The following MTRR variants were observed in gnomAD, a reference collection of about 807,000 sequenced individuals.
The protein encoded by MTRR is methionine synthase reductase.
Under a neutral mutation model 79.2 loss-of-function variants are expected in MTRR, and 63 were observed. The observed-to-expected ratio is 0.80, with a 90% CI of 0.65 to 0.98. MTRR has a LOEUF of 0.98. MTRR is among the 50% of genes least tolerant of loss of function. The pLI, the probability that MTRR is intolerant of heterozygous loss-of-function variation, is 0.00. For synonymous variants in MTRR, 355 were observed against 313.3 expected, an observed-to-expected ratio of 1.13 and a Z score of -1.41; for missense variants, 895 against 839.6, an observed-to-expected ratio of 1.07 and a Z score of -0.82.
At chr5:7,874,616 A>G (rs1008787254) in intron 3 of MTRR, among the ~76,000 whole-genome samples, 3 of 130,296 alleles carry the variant, frequency 2.3e-5, no homozygotes, top group African/African-American at 8.8e-5. Flanking sequence ...TTTTTACACC[A>G]TGAGACATAG....
At chr5:7,894,607 C>G (rs972226692) in intron 11 of MTRR, among the ~76,000 whole-genome samples, 9 of 152,186 alleles carry the variant, frequency 5.9e-5, no homozygotes, top group Non-Finnish European at 1.0e-4. Context: ...TGATTCAGAT[C>G]GTGGTCAAAG....
At chr5:7,875,435 T>A (rs1748714373) in intron 4 of MTRR, 60 bp downstream of exon 4, 9 of 1,337,330 alleles carry the variant, frequency 6.7e-6, no homozygotes, top group African/African-American at 1.4e-5. Context: ...GAAGTTGATT[T>A]GTAAAACATG....
chr5:7,867,908 T>C, upstream of MTRR: 2 of 1,614,158 alleles, frequency 1.2e-6, no homozygotes, highest in Non-Finnish European at 8.5e-7. Flanking sequence ...ACAATGGGCA[T>C]GATGGAATTT....
At chr5:7,891,796 A>AC (rs750299746) in intron 10 of MTRR, among the ~76,000 whole-genome samples, 9 of 152,060 alleles carry the variant, frequency 5.9e-5, no homozygotes, top group Non-Finnish European at 1.3e-4. Context: ...TAATCCCAGC[A>AC]CTTTGGGAGG....
At chr5:7,884,338 TA>T (rs761743122) in intron 6 of MTRR, among the ~76,000 whole-genome samples, 2 of 152,170 alleles carry the variant, frequency 1.3e-5, no homozygotes, top group African/African-American at 4.8e-5. Flanking sequence ...CCCTTTCAGA[TA>T]CCCAAATCCT....
intron 9 of MTRR, chr5:7,890,173 G>C (rs1470004736): frequency 2.5e-6 from 2 of 787,150 alleles, no homozygotes; most frequent in Admixed American, 1.3e-4. Context: ...TTTTACTCTT[G>C]GGCCAGCAAG....
chr5:7,898,196 G>A (rs1738857513), intron 14 of MTRR, among the ~76,000 whole-genome samples: 2 of 151,928 alleles, frequency 1.3e-5, no homozygotes, highest in Admixed American at 1.3e-4. Flanking sequence ...CATTGTTTTG[G>A]TTTACATTTT....
intron 7 of MTRR, among the ~76,000 whole-genome samples, chr5:7,886,224 T>G (rs1736400437): frequency 6.6e-6 from 1 of 152,154 alleles, no homozygotes; most frequent in East Asian, 1.9e-4. Context: ...ATAATTGCTT[T>G]TTCCATAATT....
upstream of MTRR, among the ~76,000 whole-genome samples, chr5:7,865,166 T>C (rs563953718): frequency 6.6e-6 from 1 of 152,352 alleles, no homozygotes; most frequent in African/African-American, 2.4e-5. Flanking sequence ...TGTATACATT[T>C]GGGCGTAGAA....
intron 4 of MTRR, 44 bp downstream of exon 4, chr5:7,875,419 A>G (rs1306446601): frequency 7.0e-7 from 1 of 1,419,918 alleles, no homozygotes; most frequent in South Asian, 1.1e-5. Context: ...CCCTCTATAC[A>G]TGATGGAAGT....
intron 1 of MTRR, among the ~76,000 whole-genome samples, chr5:7,855,309 G>A (rs1746207363): frequency 1.3e-5 from 2 of 151,492 alleles, no homozygotes; most frequent in Non-Finnish European, 2.9e-5. Context: ...TGTAACAATG[G>A]CTGAATGATT....
chr5:7,866,568 G>T, upstream of MTRR: 1 of 1,061,940 alleles, frequency 9.4e-7, no homozygotes, highest in Middle Eastern at 2.9e-4. Flanking sequence ...GCAACATATT[G>T]CCTTTATATG....
In MTRR at chr5:7,899,731, A is replaced by G. The variant is rs327592; in HGVS notation, c.1953-183A>G. Among the ~76,000 whole-genome samples the G allele has an allele frequency of 0.21, 31,407 of 152,160 alleles. 4,547 individuals are homozygous for G. Among genetic ancestry groups the G allele is most frequent in the African/African-American group, 0.38 (15,807 of 41,472 alleles). ...TGTGGTCAGCTCTGTCTCCTAGAAC[A>G]GTCACTGTAGGCAAAGGCCTGGCCT... On this transcript the variant is annotated intron_variant, in intron 14 of 14. Transcript: ENST00000440940.
At chr5:7,886,789 C>A in intron 8 of MTRR, 86 bp downstream of exon 8, 1 of 1,053,342 alleles carries the variant, frequency 9.5e-7, no homozygotes, top group Non-Finnish European at 1.5e-6. Context: ...AGAATATGCC[C>A]TTTGCAGTCT....
chr5:7,889,990 G>A (rs1352843029), intron 9 of MTRR, among the ~76,000 whole-genome samples: 1 of 152,184 alleles, frequency 6.6e-6, no homozygotes, highest in East Asian at 1.9e-4. Flanking sequence ...GTGGCTCTCA[G>A]GAAGGGATTG....
chr5:7,854,560 T>C (rs780145136), intron 1 of MTRR, among the ~76,000 whole-genome samples: 4 of 152,064 alleles, frequency 2.6e-5, no homozygotes, highest in Non-Finnish European at 4.4e-5. Context: ...CCTTACATGG[T>C]GGCGGCAAGA....
intron 4 of MTRR, 138 bp downstream of exon 4, chr5:7,875,513 T>C (rs1748724053): frequency 1.2e-6 from 1 of 816,844 alleles, no homozygotes; most frequent in African/African-American, 1.7e-5. Context: ...AGCTTTAGGA[T>C]CCAAGAGGGT....
In MTRR at chr5:7,873,480, A is replaced by C. The variant is rs750493900; in HGVS notation, c.237A>C (p.Gln79His). The C allele has an allele frequency of 6.2e-7, 1 of 1,614,142 alleles. No individual in the cohort carries two copies. The highest frequency in any genetic ancestry group is 8.5e-7 in the Non-Finnish European group (1 of 1,180,026). ...AGTTTGTTAAGGAAATACAGAACCA[A>C]ACACTGCCGGTTGATTTCTTTGCTC... ...ARKFVKEIQN[Q>H]TLPVDFFAHL... Residue 79 changes from glutamine to histidine, a missense_variant, in exon 3 of 15, where the codon CAA becomes CAC. Gln to His is a conservative substitution (Grantham distance 24, BLOSUM62 0). Coordinates refer to ENST00000440940, the MANE Select transcript of MTRR (RefSeq NM_002454.3).
chr5:7,873,938 A>G (rs1579623003), intron 3 of MTRR, among the ~76,000 whole-genome samples: 1 of 152,224 alleles, frequency 6.6e-6, no homozygotes, highest in Middle Eastern at 3.2e-3. Flanking sequence ...ATTCTCCCAG[A>G]ATGAATGATT....
Sources: allele counts gnomAD v4.1 joint callset (sites outside exome capture counted in the v4.1 genomes callset), GRCh38; gene constraint gnomAD v4.1.1; transcripts MANE v1.5; gene names NCBI Gene and HGNC (gene_info 2026-07-23, HGNC 2026-07-21).